FGF12: variants seen among roughly 807,000 people sequenced by gnomAD.
FGF12 encodes fibroblast growth factor 12.
Under a neutral mutation model 23.6 loss-of-function variants are expected in FGF12, and 14 were observed. The observed-to-expected ratio is 0.59, with a 90% confidence interval of 0.39 to 0.93. The LOEUF (loss-of-function observed/expected upper bound fraction) is 0.93. Among genes scored for constraint, FGF12 ranks in the 40% least tolerant of loss-of-function variants. FGF12 has a pLI of 0.00. For missense variants in FGF12, 175 were observed against 217.8 expected, an observed-to-expected ratio of 0.80 and a Z score of 1.24; for synonymous variants, 62 against 77.3, an observed-to-expected ratio of 0.80 and a Z score of 1.04.
chr3:192,693,608 T>A (rs77024435), intron 2 of FGF12, among the ~76,000 whole-genome samples: 5,575 of 152,154 alleles, frequency 0.037, 364 homozygotes, highest in African/African-American at 0.13. Flanking sequence ...AACCCAGGCA[T>A]ATATAGTCAA....
At position 192,241,175 on chromosome 3, in the gene FGF12, A is replaced by G. The variant is rs368020651; in HGVS notation, c.229-70519T>C. 5.3e-5 allele frequency among the ~76,000 whole-genome samples: 8 copies of G among 152,302 alleles called. 1 individual carries two copies. The East Asian group carries it at 1.3e-3, about 26-fold the overall frequency. On this transcript the variant is annotated intron_variant, in intron 4 of 5. Transcript: ENST00000445105. ...CTGAAGAAGAATTTCACTGAACAGA[A>G]AGATATTTTTGGAAAGACTATATAA...
chr3:192,649,029 GT>G (rs1203204257), intron 2 of FGF12, among the ~76,000 whole-genome samples: 1 of 152,158 alleles, frequency 6.6e-6, no homozygotes, highest in Non-Finnish European at 1.5e-5. Context: ...ATCTTAAGGG[GT>G]CACTCTATCA....
intron 4 of FGF12, among the ~76,000 whole-genome samples, chr3:192,233,526 G>A (rs1244558052): frequency 6.6e-6 from 1 of 152,040 alleles, no homozygotes; most frequent in Admixed American, 6.5e-5. Context: ...GGCTTCTTTT[G>A]CTATGCAGAA....
intron 4 of FGF12, among the ~76,000 whole-genome samples, chr3:192,176,287 T>C (rs576879238): frequency 1.1e-4 from 17 of 152,334 alleles, no homozygotes; most frequent in African/African-American, 4.1e-4. Context: ...CTCTTCAGGT[T>C]ACAGCAAACT....
intron 2 of FGF12, among the ~76,000 whole-genome samples, chr3:192,382,453 T>C (rs1304083685): frequency 6.6e-6 from 1 of 152,296 alleles, no homozygotes; most frequent in East Asian, 1.9e-4. Context: ...TAGCCTTTGA[T>C]TTTATCTACC....
chr3:192,694,712 C>A (rs1302931777), intron 2 of FGF12, among the ~76,000 whole-genome samples: 3 of 151,812 alleles, frequency 2.0e-5, no homozygotes, highest in Non-Finnish European at 4.4e-5. Flanking sequence ...AAAAAGGAGA[C>A]CCTGCTATTT....
At chr3:192,637,848 C>T (rs1289120226) in intron 2 of FGF12, among the ~76,000 whole-genome samples, 2 of 152,146 alleles carry the variant, frequency 1.3e-5, no homozygotes, top group Non-Finnish European at 2.9e-5. Context: ...CTGTTCTAAG[C>T]CTTAAATTCC....
intron 4 of FGF12, among the ~76,000 whole-genome samples, chr3:192,219,990 T>A (rs970998593): frequency 1.3e-5 from 2 of 152,206 alleles, no homozygotes; most frequent in Admixed American, 6.5e-5. Flanking sequence ...TTGTTTTCTT[T>A]TCCAGTGCTA....
At chr3:192,365,828 T>C (rs923413805) in intron 2 of FGF12, among the ~76,000 whole-genome samples, 1 of 151,854 alleles carries the variant, frequency 6.6e-6, no homozygotes, top group Non-Finnish European at 1.5e-5. Flanking sequence ...TGCTATGAAG[T>C]ATTTCCTAGG....
intron 2 of FGF12, among the ~76,000 whole-genome samples, chr3:192,499,937 C>G (rs962709874): frequency 6.6e-6 from 1 of 152,016 alleles, no homozygotes; most frequent in South Asian, 2.1e-4. Flanking sequence ...AAGTTACAAC[C>G]CAGGTATTAT....
chr3:192,388,543 T>C (rs1410911805), intron 2 of FGF12, among the ~76,000 whole-genome samples: 1 of 152,140 alleles, frequency 6.6e-6, no homozygotes. Context: ...CATATATGTA[T>C]CATGCCCTAA....
At chr3:192,529,011 G>T (rs1443260951) in intron 2 of FGF12, among the ~76,000 whole-genome samples, 2 of 152,162 alleles carry the variant, frequency 1.3e-5, no homozygotes, top group Non-Finnish European at 2.9e-5. Context: ...TTTTTTCATT[G>T]TCTTGGGGAA....
At chr3:192,620,369 T>C (rs1201365750) in intron 2 of FGF12, among the ~76,000 whole-genome samples, 2 of 152,028 alleles carry the variant, frequency 1.3e-5, no homozygotes, top group East Asian at 1.9e-4. Context: ...AATCGGAGAG[T>C]TTGCCAAAAA....
intron 2 of FGF12, among the ~76,000 whole-genome samples, chr3:192,368,808 C>T (rs1363186764): frequency 6.6e-6 from 1 of 152,134 alleles, no homozygotes; most frequent in Non-Finnish European, 1.5e-5. Context: ...CCTGCAAAGA[C>T]TGAAATCTTT....
chr3:192,449,847 G>A (rs1395654179), intron 2 of FGF12, among the ~76,000 whole-genome samples: 1 of 152,168 alleles, frequency 6.6e-6, no homozygotes, highest in African/African-American at 2.4e-5. Flanking sequence ...TCAGCCTGAG[G>A]TGGGGTTAGA....
chr3:192,160,017 C>T (rs1205780399), intron 5 of FGF12, among the ~76,000 whole-genome samples: 1 of 151,684 alleles, frequency 6.6e-6, no homozygotes, highest in African/African-American at 2.4e-5. Flanking sequence ...TCGCCCAGTT[C>T]ATCATGCCTA....
intron 4 of FGF12, among the ~76,000 whole-genome samples, chr3:192,316,387 C>T (rs1716229856): frequency 6.6e-6 from 1 of 152,254 alleles, no homozygotes; most frequent in East Asian, 1.9e-4. Context: ...TTATGAATCA[C>T]CTATATCACC....
chr3:192,239,695 G>A (rs1719496951), intron 4 of FGF12, among the ~76,000 whole-genome samples: 1 of 152,204 alleles, frequency 6.6e-6, no homozygotes, highest in Admixed American at 6.5e-5. Flanking sequence ...GCTGAGCGCT[G>A]TTGGTGAGAA....
At chr3:192,704,353 C>T (rs528435640) in intron 2 of FGF12, among the ~76,000 whole-genome samples, 1 of 152,268 alleles carries the variant, frequency 6.6e-6, no homozygotes, top group Admixed American at 6.5e-5. Flanking sequence ...GGCATAAAAA[C>T]AACATTAATC....
Sources: gnomAD v4.1 joint callset for allele counts (sites outside exome capture counted in the v4.1 genomes callset) on GRCh38, gnomAD v4.1.1 for gene constraint, MANE v1.5 for transcripts, NCBI Gene and HGNC (gene_info 2026-07-23, HGNC 2026-07-21) for gene names.